The following ABCA13 variants were observed in gnomAD, a reference collection of about 807,000 sequenced individuals.
The protein encoded by ABCA13 is ATP-binding cassette sub-family A member 13.
ABCA13 carries 476 observed loss-of-function variants against 478.7 expected under a neutral mutation model. That is an observed-to-expected ratio of 0.99 (90% CI 0.92 to 1.07). The LOEUF (loss-of-function observed/expected upper bound fraction) is 1.07, where lower values mean the gene tolerates loss of function less well. ABCA13 is among the 50% of genes least tolerant of loss of function. The pLI, the probability that ABCA13 is intolerant of heterozygous loss-of-function variation, is 0.00. For missense variants in ABCA13, 6,060 were observed against 5,910.6 expected (o/e 1.03, Z -0.83); for synonymous variants, 2,252 against 2,158.9 (o/e 1.04, Z -1.20).
intron 42 of ABCA13, among the ~76,000 whole-genome samples, chr7:48,431,374 AC>A (rs1822128587): frequency 6.6e-6 from 1 of 151,990 alleles, no homozygotes; most frequent in Admixed American, 6.5e-5. Context: ...AACAACAACA[AC>A]AACAACAACA....
intron 33 of ABCA13, among the ~76,000 whole-genome samples, chr7:48,372,904 A>C (rs1231645853): frequency 6.6e-6 from 1 of 152,234 alleles, no homozygotes; most frequent in Non-Finnish European, 1.5e-5. Context: ...CTCTGTTAGC[A>C]ATGTCAGAGT....
chr7:48,256,334 G>A (rs926066220), intron 15 of ABCA13, among the ~76,000 whole-genome samples: 8 of 152,074 alleles, frequency 5.3e-5, no homozygotes, highest in African/African-American at 1.9e-4. Context: ...TGTTGTTGTT[G>A]CAATAACTCT....
intron 59 of ABCA13, among the ~76,000 whole-genome samples, chr7:48,617,558 C>G (rs1406711780): frequency 1.3e-5 from 2 of 152,218 alleles, no homozygotes; most frequent in East Asian, 3.9e-4. Context: ...ACAGAAATCC[C>G]ACAGAGGGGG....
At position 48,243,674 on chromosome 7, in the gene ABCA13, C is replaced by G. The variant is rs564307913; in HGVS notation, c.1263-902C>G. ...CTAGAGAATAGCAGCAACTATTTAT[C>G]AAGCCTGTGTTCAACCCCAAACTAT... On this transcript the variant is annotated intron_variant, in intron 10 of 61. Coordinates refer to ENST00000435803, the MANE Select transcript of ABCA13 (RefSeq NM_152701.5). Among the ~76,000 whole-genome samples the G allele has an allele frequency of 9.8e-5, 15 of 152,332 alleles. No individual in the cohort carries two copies. In the East Asian group the frequency reaches 1.5e-3, roughly 16 times the overall value.
At chr7:48,296,553 G>A (rs1256810987) in intron 21 of ABCA13, among the ~76,000 whole-genome samples, 4 of 150,810 alleles carry the variant, frequency 2.7e-5, no homozygotes, top group Admixed American at 6.6e-5. Flanking sequence ...TCCACCTCCC[G>A]GGTTCACGCC....
intron 59 of ABCA13, among the ~76,000 whole-genome samples, chr7:48,629,238 G>A (rs1050061534): frequency 6.6e-6 from 1 of 152,182 alleles, no homozygotes; most frequent in Non-Finnish European, 1.5e-5. Flanking sequence ...GAATTAATGT[G>A]CATTGCAGAC....
At chr7:48,254,232 T>A (rs918312823) in intron 15 of ABCA13, among the ~76,000 whole-genome samples, 1 of 151,726 alleles carries the variant, frequency 6.6e-6, no homozygotes, top group Non-Finnish European at 1.5e-5. Flanking sequence ...GCTTTTCCTA[T>A]TTTTTTCCCC....
intron 3 of ABCA13, among the ~76,000 whole-genome samples, chr7:48,202,053 G>T (rs112699411): frequency 6.6e-6 from 1 of 152,298 alleles, no homozygotes; most frequent in Middle Eastern, 3.4e-3. Flanking sequence ...GAGTGAAGCC[G>T]CAGACCTTTG....
intron 59 of ABCA13, among the ~76,000 whole-genome samples, chr7:48,630,993 T>A (rs1794116974): frequency 6.6e-6 from 1 of 152,104 alleles, no homozygotes; most frequent in Non-Finnish European, 1.5e-5. Flanking sequence ...TTGCCCATTT[T>A]TTTAATGGGG....
At chr7:48,566,684 A>G (rs1787103021) in intron 55 of ABCA13, among the ~76,000 whole-genome samples, 1 of 152,276 alleles carries the variant, frequency 6.6e-6, no homozygotes, top group South Asian at 2.1e-4. Context: ...CATCTGGATT[A>G]TAAGAAGACA....
chr7:48,503,855 T>G (rs1830966601), intron 48 of ABCA13, among the ~76,000 whole-genome samples: 1 of 152,170 alleles, frequency 6.6e-6, no homozygotes, highest in South Asian at 2.1e-4. Flanking sequence ...CTATTTTTAA[T>G]TTTCTGAGGC....
intron 42 of ABCA13, among the ~76,000 whole-genome samples, chr7:48,431,230 A>T (rs900896290): frequency 2.0e-5 from 3 of 152,046 alleles, no homozygotes; most frequent in African/African-American, 7.3e-5. Flanking sequence ...ATGGGATTTC[A>T]CCATGTTGGC....
intron 42 of ABCA13, among the ~76,000 whole-genome samples, chr7:48,439,591 G>A (rs118116067): frequency 0.018 from 2,716 of 151,996 alleles, 28 homozygotes; most frequent in Non-Finnish European, 0.028. Flanking sequence ...AATTAGATAA[G>A]CAAAAAATAC....
intron 5 of ABCA13, among the ~76,000 whole-genome samples, chr7:48,223,613 G>A (rs760233967): frequency 1.3e-5 from 2 of 152,026 alleles, no homozygotes; most frequent in Non-Finnish European, 2.9e-5. Context: ...GACAAGAAAG[G>A]CTCTGATGGA....
chr7:48,298,552 C>T, intron 23 of ABCA13, 65 bp downstream of exon 23: 1 of 1,555,016 alleles, frequency 6.4e-7, no homozygotes. Context: ...AAGTCACTGG[C>T]ACTGTGTTGT....
In ABCA13 at chr7:48,372,177, A is replaced by T; in HGVS notation, c.10813A>T (p.Met3605Leu). Residue 3605 changes from methionine (M) to leucine (L), a missense_variant, in exon 33 of 62, where the codon ATG becomes TTG. This residue lies in a region of ABCA13 where 4,423 missense variants were observed against 4,309.1 expected (regional missense o/e 1.03). Coordinates refer to ENST00000435803, the MANE Select transcript of ABCA13 (RefSeq NM_152701.5). ...TTTCTCTTTTTGGTAGTATATGCGG[A>T]TGATGGGAGTGCATCCAGTGATCCA... ...QEIQIEEYMRMMGVHPVIHFL... is the reference protein window; with the variant it reads ...QEIQIEEYMRLMGVHPVIHFL... 1 of 1,612,684 alleles carries T rather than the reference A, an allele frequency of 6.2e-7. No homozygotes were observed. Among genetic ancestry groups the T allele is most frequent in the Non-Finnish European group, 8.5e-7 (1 of 1,178,970 alleles).
rs564851065 is a variant in ABCA13 at position 48,246,226 on chromosome 7, C to T, written c.1659+196C>T. On this transcript the variant is annotated intron_variant, in intron 13 of 61. Coordinates refer to ENST00000435803, the MANE Select transcript of ABCA13 (RefSeq NM_152701.5). ...TGTCTGACTGAAAGGTTGTATGCCACCCGCCTGGCCAAAACCTACTTGAAA... is the reference window on the plus strand; with the variant it reads ...TGTCTGACTGAAAGGTTGTATGCCATCCGCCTGGCCAAAACCTACTTGAAA... 5.9e-5 allele frequency among the ~76,000 whole-genome samples: 9 copies of T among 152,270 alleles called. 1 individual carries two copies. The South Asian group carries it at 1.9e-3, about 32-fold the overall frequency.
intron 42 of ABCA13, among the ~76,000 whole-genome samples, chr7:48,433,711 C>T (rs987635998): frequency 1.1e-4 from 16 of 151,868 alleles, no homozygotes; most frequent in Non-Finnish European, 4.4e-5. Context: ...TCCTGGAAAC[C>T]ACCATTCTAG....
intron 24 of ABCA13, among the ~76,000 whole-genome samples, chr7:48,310,594 G>A (rs1201813887): frequency 6.6e-6 from 1 of 152,142 alleles, no homozygotes; most frequent in South Asian, 2.1e-4. Flanking sequence ...TCTGTCAGCG[G>A]GAAGCATCCA....
Sources: allele counts gnomAD v4.1 joint callset (sites outside exome capture counted in the v4.1 genomes callset), GRCh38; gene constraint gnomAD v4.1.1; regional missense constraint gnomAD v4.1.1; transcripts MANE v1.5; gene names NCBI Gene and HGNC (gene_info 2026-07-23, HGNC 2026-07-21).